The following SYT17 variants were observed in gnomAD, a reference collection of about 807,000 sequenced individuals.
SYT17 encodes synaptotagmin 17, also known as synaptotagmin-17.
In SYT17, 22 loss-of-function variants were observed where a neutral mutation model predicts 46.7. The observed-to-expected ratio is 0.47, with a 90% confidence interval of 0.34 to 0.67. SYT17 has a LOEUF of 0.67. SYT17 is among the 30% of genes least tolerant of loss of function. The probability of loss-of-function intolerance (pLI) is 0.01; values close to 1 mark genes in which losing one functional copy is unlikely to be tolerated. For synonymous variants in SYT17, 251 were observed against 248.4 expected (o/e 1.01, Z -0.10); for missense variants, 519 against 612.8 (o/e 0.85, Z 1.62).
At chr16:19,209,937 A>G (rs545969866) in intron 5 of SYT17, among the ~76,000 whole-genome samples, 1 of 152,282 alleles carries the variant, frequency 6.6e-6, no homozygotes, top group South Asian at 2.1e-4. Flanking sequence ...CTAAGTATCT[A>G]GCAATAGGAA....
intron 7 of SYT17, among the ~76,000 whole-genome samples, chr16:19,249,342 C>T (rs567558919): frequency 1.3e-4 from 19 of 150,754 alleles, no homozygotes; most frequent in Non-Finnish European, 2.5e-4. Context: ...AAGCAGCAGG[C>T]AAGGTACTAC....
chr16:19,236,684 G>T (rs763117943), intron 7 of SYT17, among the ~76,000 whole-genome samples: 3 of 152,202 alleles, frequency 2.0e-5, no homozygotes, highest in Non-Finnish European at 4.4e-5. Flanking sequence ...TCCAGGAGGG[G>T]TCAAACTCTG....
At chr16:19,208,443 C>T (rs1046067574) in intron 5 of SYT17, among the ~76,000 whole-genome samples, 5 of 152,116 alleles carry the variant, frequency 3.3e-5, no homozygotes, top group Non-Finnish European at 4.4e-5. Flanking sequence ...AAGCAAAGCA[C>T]GGCTTACATG....
At chr16:19,216,934 T>C (rs749107977) in intron 5 of SYT17, among the ~76,000 whole-genome samples, 11 of 152,240 alleles carry the variant, frequency 7.2e-5, no homozygotes, top group Non-Finnish European at 1.6e-4. Context: ...TTTCTGGCTC[T>C]AGATCCTTGA....
intron 2 of SYT17, 187 bp from the exon 3 acceptor site, chr16:19,173,243 T>C (rs76602090): frequency 0.082 from 46,035 of 559,240 alleles, 2,102 homozygotes; most frequent in Admixed American, 0.1. Flanking sequence ...TGCCTGCAGT[T>C]GGTAAATAGA....
At chr16:19,190,744 C>T (rs1964979353) in intron 5 of SYT17, among the ~76,000 whole-genome samples, 1 of 151,122 alleles carries the variant, frequency 6.6e-6, no homozygotes, top group African/African-American at 2.4e-5. Context: ...TCCTTCCTTT[C>T]TAAGGCTGAA....
chr16:19,189,109 A>G (rs906300017), intron 5 of SYT17, among the ~76,000 whole-genome samples: 1 of 151,660 alleles, frequency 6.6e-6, no homozygotes, highest in Non-Finnish European at 1.5e-5. Flanking sequence ...GATGTTCTCA[A>G]TCTCCTGACC....
At chr16:19,260,641 C>T (rs1439044989) in intron 7 of SYT17, among the ~76,000 whole-genome samples, 2 of 151,990 alleles carry the variant, frequency 1.3e-5, no homozygotes, top group Non-Finnish European at 2.9e-5. Flanking sequence ...TTTCAGGTCA[C>T]CTTTGGAATG....
At chr16:19,214,594 T>C (rs1022923716) in intron 5 of SYT17, among the ~76,000 whole-genome samples, 2 of 152,226 alleles carry the variant, frequency 1.3e-5, no homozygotes, top group Admixed American at 6.5e-5. Flanking sequence ...TTTTTGTCCC[T>C]AGATTGTTAG....
Position 19,168,866 on chromosome 16 carries a change from G to A in SYT17, c.15+205G>A, listed in dbSNP as rs1963970424. Reference sequence around the variant, plus strand: ...CTGGGGACCCCCAAACCCCGGGATGGAGGGTCCTATGTGTACTCTGCAACG... The same window carrying A: ...CTGGGGACCCCCAAACCCCGGGATGAAGGGTCCTATGTGTACTCTGCAACG... On this transcript the variant is annotated intron_variant, in intron 1 of 7. Coordinates refer to ENST00000355377, the MANE Select transcript of SYT17 (RefSeq NM_016524.4). This position sits in a 1 kb window ranked among gnomAD's most constrained non-coding sequence, Gnocchi z 6.9. 6.6e-6 allele frequency among the ~76,000 whole-genome samples: 1 copy of A among 152,150 alleles called. No individual in the cohort carries two copies. Among genetic ancestry groups the A allele is most frequent in the Non-Finnish European group, 1.5e-5 (1 of 68,012 alleles).
intron 5 of SYT17, among the ~76,000 whole-genome samples, chr16:19,202,892 A>T (rs976915492): frequency 6.6e-6 from 1 of 151,856 alleles, no homozygotes; most frequent in Non-Finnish European, 1.5e-5. Context: ...TGCCTTGCTA[A>T]TTTTTTTCTA....
At chr16:19,206,396 G>A (rs1004966069) in intron 5 of SYT17, among the ~76,000 whole-genome samples, 2 of 152,124 alleles carry the variant, frequency 1.3e-5, no homozygotes, top group Non-Finnish European at 2.9e-5. Flanking sequence ...GAGGTTCAGC[G>A]GCATGGCTGA....
intron 3 of SYT17, among the ~76,000 whole-genome samples, chr16:19,178,156 C>T (rs1964390386): frequency 6.6e-6 from 1 of 151,990 alleles, no homozygotes; most frequent in Middle Eastern, 3.4e-3. Flanking sequence ...CAATCTCGCT[C>T]ACTGCAAGCT....
At position 19,267,107 on chromosome 16, in the gene SYT17, T is replaced by TAAA. The variant is rs11379176; in HGVS notation, c.*45_*47dup. ...GCAGGGAAGGCAGCTTTCATTTGTT[T>TAAA]AAAAAAAAAAAAAAAAGACGGAAAA... On this transcript the variant is annotated 3_prime_UTR_variant, in exon 8 of 8. Coordinates refer to ENST00000355377, the MANE Select transcript of SYT17 (RefSeq NM_016524.4). 364,840 of 1,267,810 alleles carry TAAA rather than the reference T, an allele frequency of 0.29. 15,822 individuals are homozygous for TAAA. Among genetic ancestry groups the TAAA allele is most frequent in the East Asian group, 0.52 (19,094 of 36,924 alleles). 78.5% of individuals were successfully genotyped at this position (1,267,810 alleles called of 1,614,324 possible).
chr16:19,182,085 T>C (rs1464119102), intron 4 of SYT17, among the ~76,000 whole-genome samples: 1 of 151,298 alleles, frequency 6.6e-6, no homozygotes, highest in Non-Finnish European at 1.5e-5. Flanking sequence ...TGAGTATACA[T>C]TGGATATAGT....
At chr16:19,208,996 G>C (rs575681322) in intron 5 of SYT17, among the ~76,000 whole-genome samples, 1 of 143,370 alleles carries the variant, frequency 7.0e-6, no homozygotes, top group Non-Finnish European at 1.5e-5. Flanking sequence ...GGGTTCAAGG[G>C]AGCTGGGATT....
At chr16:19,222,385 T>G (rs1966352625) in intron 5 of SYT17, among the ~76,000 whole-genome samples, 1 of 152,038 alleles carries the variant, frequency 6.6e-6, no homozygotes, top group African/African-American at 2.4e-5. Flanking sequence ...TAGGTGTTCA[T>G]GGGAATTTTC....
intron 5 of SYT17, among the ~76,000 whole-genome samples, chr16:19,202,164 A>C (rs1237436303): frequency 6.6e-6 from 1 of 152,028 alleles, no homozygotes; most frequent in East Asian, 1.9e-4. Context: ...TTAAGATCTC[A>C]GTCCCATAAG....
At chr16:19,187,214 T>A (rs1046861697) in intron 5 of SYT17, among the ~76,000 whole-genome samples, 5 of 152,080 alleles carry the variant, frequency 3.3e-5, no homozygotes, top group African/African-American at 1.2e-4. Context: ...TTTAAAAAAA[T>A]ACATTTTGCA....
Sources: allele counts gnomAD v4.1 joint callset (sites outside exome capture counted in the v4.1 genomes callset), GRCh38; gene constraint gnomAD v4.1.1; non-coding constraint Gnocchi (gnomAD v3.1); transcripts MANE v1.5; gene names NCBI Gene and HGNC (gene_info 2026-07-23, HGNC 2026-07-21).